Variants in RIC3 observed in about 807,000 individuals in gnomAD.
RIC3 encodes the protein RIC3 acetylcholine receptor chaperone.
In RIC3, 28 loss-of-function variants were observed where a neutral mutation model predicts 27.3. The ratio of observed to expected loss-of-function variants is 1.02; its 90% CI spans 0.76 to 1.41. The LOEUF (loss-of-function observed/expected upper bound fraction) is 1.41, where lower values mean the gene tolerates loss of function less well. Among genes scored for constraint, RIC3 ranks in the 40% most tolerant of loss-of-function variants. The pLI, the probability that RIC3 is intolerant of heterozygous loss-of-function variation, is 0.00. For missense variants in RIC3, 501 were observed against 444.7 expected, an observed-to-expected ratio of 1.13 and a Z score of -1.14; for synonymous variants, 184 against 160.4, an observed-to-expected ratio of 1.15 and a Z score of -1.11.
At chr11:8,137,533 C>A in intron 3 of RIC3, 62 bp from the exon 4 acceptor site, 1 of 1,364,194 alleles carries the variant, frequency 7.3e-7, no homozygotes, top group Non-Finnish European at 1.0e-6. Flanking sequence ...GTTAAAGAGA[C>A]CACAAATTTT....
At position 8,147,553 on chromosome 11, in the gene RIC3, T is replaced by A. The variant is rs1949823469; in HGVS notation, c.125-7360A>T. ...AATTTCAAGATACGGCAAAGAAATA[T>A]ATTTGGAGTTAAAATATTTTTATTT... On this transcript the variant is annotated intron_variant, in intron 1 of 5. Transcript: ENST00000309737. 2.0e-5 allele frequency among the ~76,000 whole-genome samples: 3 copies of A among 152,196 alleles called. No homozygotes were observed. The South Asian group carries it at 6.2e-4, about 32-fold the overall frequency.
intron 5 of RIC3, among the ~76,000 whole-genome samples, chr11:8,117,825 T>C (rs1268240167): frequency 1.3e-5 from 2 of 152,024 alleles, no homozygotes; most frequent in Admixed American, 6.5e-5. Flanking sequence ...TTAAAATAAA[T>C]AATTTTCTTT....
chr11:8,131,850 G>C (rs1031357221), intron 4 of RIC3, among the ~76,000 whole-genome samples: 6 of 129,424 alleles, frequency 4.6e-5, no homozygotes, highest in Non-Finnish European at 7.8e-5. Context: ...GCAGTGACCT[G>C]AGATTGCACC....
the RIC3 span, chr11:8,094,090 C>T: frequency 5.1e-5 from 83 of 1,614,034 alleles, no homozygotes; most frequent in Middle Eastern, 1.6e-4. Context: ...GGGAGCCACG[C>T]GCCCAACAGC....
At chr11:8,098,138 A>T in the RIC3 span, among the ~76,000 whole-genome samples, 2 of 151,918 alleles carry the variant, frequency 1.3e-5, no homozygotes, top group Admixed American at 6.6e-5. Flanking sequence ...CCTTGGCTCC[A>T]TGGTCAATGC....
rs761315876 is a variant in RIC3, at chr11:8,126,706, G to A, written c.623C>T (p.Ser208Phe). The change falls in exon 5 of 6, where the codon TCT becomes TTT. Residue 208 changes from serine to phenylalanine, a missense_variant. Ser to Phe is a radical substitution (Grantham distance 155, BLOSUM62 -2). Transcript: ENST00000309737. Reference sequence around the variant, plus strand: ...GGCCTCCTCAGCTTCTTTCTCTGGAGAAAATCTGTCAATGAATTTTCCTTC... The same window carrying A: ...GGCCTCCTCAGCTTCTTTCTCTGGAAAAAATCTGTCAATGAATTTTCCTTC... ...MKEGKFIDRF[S>F]PEKEAEEAPY... is the part of the protein sequence containing the mutation. 12 of 1,614,028 alleles carry A rather than the reference G, an allele frequency of 7.4e-6. No homozygotes were observed. The Admixed American group carries it at 2.0e-4, about 27-fold the overall frequency.
the RIC3 span, chr11:8,098,929 A>AC: frequency 7.7e-7 from 1 of 1,299,966 alleles, no homozygotes; most frequent in Non-Finnish European, 1.1e-6. Flanking sequence ...GAAATCCAGG[A>AC]CTTGATGCCT....
chr11:8,137,886 T>A (rs1421816194), intron 3 of RIC3, among the ~76,000 whole-genome samples: 1 of 152,200 alleles, frequency 6.6e-6, no homozygotes, highest in African/African-American at 2.4e-5. Flanking sequence ...AGTTGTATAA[T>A]AAGTATCTGA....
chr11:8,098,673 G>A, the RIC3 span: 2 of 983,272 alleles, frequency 2.0e-6, no homozygotes, highest in Non-Finnish European at 3.1e-6. Flanking sequence ...ATGTTTTGCA[G>A]GCTCCTCATA....
At chr11:8,165,790 T>TTTTTTTTTG (rs1951642298) in intron 1 of RIC3, among the ~76,000 whole-genome samples, 1 of 148,216 alleles carries the variant, frequency 6.7e-6, no homozygotes, top group Non-Finnish European at 1.5e-5. Context: ...TTGTTTTGTT[T>TTTTTTTTTG]TTTTTTTTGG....
In RIC3 at chr11:8,106,718, T is replaced by C. The variant is rs61133310; in HGVS notation, c.*3980A>G. 2.7e-3 allele frequency: 406 copies of C among 152,468 alleles called. 2 individuals carry two copies. The highest frequency in any genetic ancestry group is 9.5e-3 in the African/African-American group (393 of 41,578). 9.4% of individuals were successfully genotyped at this position (152,468 alleles called of 1,614,324 possible). ...TTTGTTGCCGGGCAGCTGTGGCAGA[T>C]TTGAAGGCAAAAGGAAGGGAGGCTA... On this transcript the variant is annotated 3_prime_UTR_variant, in exon 6 of 6. Coordinates refer to ENST00000309737, the MANE Select transcript of RIC3 (RefSeq NM_001206671.4).
intron 5 of RIC3, among the ~76,000 whole-genome samples, chr11:8,122,345 C>A (rs1028652472): frequency 6.6e-6 from 1 of 152,028 alleles, no homozygotes; most frequent in Non-Finnish European, 1.5e-5. Flanking sequence ...TAGTATGTAA[C>A]CTTTGGGAAT....
chr11:8,131,522 G>C (rs771458358), intron 4 of RIC3, among the ~76,000 whole-genome samples: 1 of 152,114 alleles, frequency 6.6e-6, no homozygotes, highest in Non-Finnish European at 1.5e-5. Flanking sequence ...TGTCCAGTGG[G>C]CTCTATATAT....
chr11:8,101,842 A>C, downstream of RIC3: 1 of 470,328 alleles, frequency 2.1e-6, no homozygotes, highest in South Asian at 7.7e-5. Flanking sequence ...AGGGATGAGA[A>C]TAATTCTTTC....
chr11:8,153,367 A>C, intron 1 of RIC3: 1 of 442,576 alleles, frequency 2.3e-6, no homozygotes. Context: ...ATGACATGGT[A>C]ACTCTACCTT....
At chr11:8,123,848 T>G (rs1399589582) in intron 5 of RIC3, among the ~76,000 whole-genome samples, 1 of 151,410 alleles carries the variant, frequency 6.6e-6, no homozygotes, top group Non-Finnish European at 1.5e-5. Flanking sequence ...AGACCAGGCA[T>G]GAGTAGCTGG....
the RIC3 span, among the ~76,000 whole-genome samples, chr11:8,099,109 T>G: frequency 1.3e-5 from 2 of 152,102 alleles, no homozygotes; most frequent in African/African-American, 4.8e-5. Context: ...AAACCAGGCC[T>G]GGCTCTCTGC....
chr11:8,136,732 A>C (rs1948467092), intron 4 of RIC3, among the ~76,000 whole-genome samples: 1 of 152,212 alleles, frequency 6.6e-6, no homozygotes, highest in African/African-American at 2.4e-5. Context: ...AGAAAGCATC[A>C]TGTTCAATAA....
chr11:8,137,176 C>T lies in RIC3; in HGVS notation c.521+202G>A, dbSNP rs186248519. ...AGTAGCTGGGATTGCAGGTGTGCAC[C>T]ACCACACCTGGCTAATTTTGTATTT... is the stretch of plus-strand genomic sequence containing the variant. On this transcript the variant is annotated intron_variant, in intron 4 of 5. Coordinates refer to ENST00000309737, the MANE Select transcript of RIC3 (RefSeq NM_001206671.4). Among the ~76,000 whole-genome samples the T allele has an allele frequency of 5.9e-3, 902 of 152,222 alleles. 13 individuals are homozygous for T. Among genetic ancestry groups the T allele is most frequent in the African/African-American group, 0.021 (855 of 41,512 alleles).
Sources: gnomAD v4.1 joint callset for allele counts (sites outside exome capture counted in the v4.1 genomes callset) on GRCh38, gnomAD v4.1.1 for gene constraint, MANE v1.5 for transcripts, NCBI Gene and HGNC (gene_info 2026-07-23, HGNC 2026-07-21) for gene names.